Variants in RNF126 observed in about 807,000 individuals in gnomAD.
RNF126 encodes ring finger protein 126.
RNF126 carries 20 observed loss-of-function variants against 41.9 expected under a neutral mutation model. That is an observed-to-expected ratio of 0.48 (90% CI 0.34 to 0.69). The LOEUF (loss-of-function observed/expected upper bound fraction) is 0.69. Among genes scored for constraint, RNF126 ranks in the 30% least tolerant of loss-of-function variants. The pLI is 0.01. For synonymous variants in RNF126, 239 were observed against 202.9 expected (o/e 1.18, Z -1.51); for missense variants, 433 against 460.6 (o/e 0.94, Z 0.55).
At chr19:651,415 A>G (rs2030280102) in intron 4 of RNF126, 196 bp downstream of exon 4, 1 of 479,480 alleles carries the variant, frequency 2.1e-6, no homozygotes, top group Non-Finnish European at 3.4e-6. Context: ...CAACCCACAC[A>G]CCCTGAACCG....
Position 652,864 on chromosome 19 carries a change from G to A in RNF126, c.96C>T (p.Cys32=), listed in dbSNP as rs368203345. The change falls in exon 2 of 9, where the codon TGC becomes TGT. Residue 32 remains cysteine (C), a synonymous_variant. Transcript: ENST00000292363. Reference sequence around the variant, plus strand: ...GAAGCTCCTCGATAAAACCAGACTCGCATCTTGGACAGATATAATCCTGCA... The same window carrying A: ...GAAGCTCCTCGATAAAACCAGACTCACATCTTGGACAGATATAATCCTGCA... ...PRLPDYICPR[C]ESGFIEELPE... 4.2e-4 allele frequency: 670 copies of A among 1,612,956 alleles called. 2 individuals carry two copies. The highest frequency in any genetic ancestry group is 1.1e-3 in the South Asian group (103 of 90,944).
chr19:648,387 C>T lies in RNF126; in HGVS notation c.771G>A (p.Val257=). 6.4e-7 allele frequency: 1 copy of T among 1,552,990 alleles called. No homozygotes were observed. The highest frequency in any genetic ancestry group is 8.7e-7 in the Non-Finnish European group (1 of 1,154,374). Residue 257 remains valine, a synonymous_variant, in exon 8 of 9, where the codon GTG becomes GTA. Coordinates refer to ENST00000292363, the MANE Select transcript of RNF126 (RefSeq NM_194460.3). ...GGGCACTCACCTGCTCCAGCCAGGG[C>T]ACGATGCAGCCGTCGTGGAACAGGT... ...CNHLFHDGCI[V]PWLEQHDSCP... is the part of the protein sequence containing the mutation.
intron 2 of RNF126, chr19:652,522 T>C: frequency 5.0e-6 from 3 of 601,798 alleles, no homozygotes; most frequent in Non-Finnish European, 5.8e-6. Context: ...CTCCTAAGCG[T>C]GAGAATGTGG....
Position 648,108 on chromosome 19 carries a change from T to C in RNF126, c.*20A>G. 6.4e-7 allele frequency: 1 copy of C among 1,550,406 alleles called. No homozygotes were observed. Among genetic ancestry groups the C allele is most frequent in the Non-Finnish European group, 8.7e-7 (1 of 1,144,214 alleles). ...GGTGGGTGGGAAAGGCCCCGTGCTT[T>C]CCCGACGGCCGACGTGGGCTCACGA... On this transcript the variant is annotated 3_prime_UTR_variant, in exon 9 of 9. Transcript: ENST00000292363.
chr19:662,963 G>T (rs547134074), intron 1 of RNF126, 84 bp downstream of exon 1: 4 of 566,156 alleles, frequency 7.1e-6, no homozygotes, highest in Non-Finnish European at 1.0e-5. Flanking sequence ...AGAGGCGGGC[G>T]CAAGCGACCC....
intron 1 of RNF126, among the ~76,000 whole-genome samples, chr19:660,679 G>A (rs189159238): frequency 1.6e-4 from 24 of 152,276 alleles, no homozygotes; most frequent in South Asian, 1.2e-3. Context: ...ACCCAGGCTG[G>A]AGTGCACTGG....
chr19:648,105 CT>C lies in RNF126; in HGVS notation c.*22del. The C allele has an allele frequency of 6.5e-7, 1 of 1,547,168 alleles. No homozygotes were observed. The highest frequency in any genetic ancestry group is 8.7e-7 in the Non-Finnish European group (1 of 1,143,170). ...GAGGGTGGGTGGGAAAGGCCCCGTG[CT>C]TTCCCGACGGCCGACGTGGGCTCAC... On this transcript the variant is annotated 3_prime_UTR_variant, in exon 9 of 9. Coordinates refer to ENST00000292363, the MANE Select transcript of RNF126 (RefSeq NM_194460.3).
chr19:648,362 G>GCCCCCCCCCCCCCCCCC lies in RNF126; in HGVS notation c.786+9_786+10insGGGGGGGGGGGGGGGGG. 1.5e-6 allele frequency: 1 copy of GCCCCCCCCCCCCCCCCC among 680,492 alleles called. No homozygotes were observed. The highest frequency in any genetic ancestry group is 2.3e-6 in the Non-Finnish European group (1 of 426,836). The allele number at this position is 680,492 out of a possible 1,614,324, so 42.2% of individuals were successfully genotyped here. On this transcript the variant is annotated intron_variant, in intron 8 of 8. Coordinates refer to ENST00000292363, the MANE Select transcript of RNF126 (RefSeq NM_194460.3). The stretch of plus-strand genomic sequence containing the variant: ...GTCGGGGTGGGGGGGCGGGTGGGCG[G>GCCCCCCCCCCCCCCCCC]GGCACTCACCTGCTCCAGCCAGGGC...
chr19:652,551 C>G, intron 2 of RNF126: 2 of 602,860 alleles, frequency 3.3e-6, no homozygotes, highest in East Asian at 5.6e-5. Flanking sequence ...CCCGTGGCCC[C>G]TTCCCCGGAG....
intron 1 of RNF126, among the ~76,000 whole-genome samples, chr19:654,835 C>T (rs2030491717): frequency 1.3e-5 from 2 of 151,562 alleles, no homozygotes; most frequent in African/African-American, 4.8e-5. Flanking sequence ...GGCGTGGTGG[C>T]ACGTACCTGT....
intron 1 of RNF126, 65 bp from the exon 2 acceptor site, chr19:652,949 G>C (rs1321918518): frequency 8.9e-6 from 13 of 1,453,440 alleles, no homozygotes; most frequent in East Asian, 2.3e-5. Flanking sequence ...CCCCCCAAGT[G>C]TGAGGACAGA....
chr19:657,588 T>A (rs4919820), intron 1 of RNF126, among the ~76,000 whole-genome samples: 1 of 152,086 alleles, frequency 6.6e-6, no homozygotes, highest in Non-Finnish European at 1.5e-5. Flanking sequence ...ACCCTAGGGG[T>A]TTCAAAGGTC....
At chr19:649,582 T>G in intron 6 of RNF126, 97 bp downstream of exon 6, 2 of 987,586 alleles carry the variant, frequency 2.0e-6, no homozygotes, top group Non-Finnish European at 3.1e-6. Flanking sequence ...CCTTTGACCT[T>G]TGTGGGGCTT....
chr19:654,285 G>A lies in RNF126; in HGVS notation c.76-1401C>T, dbSNP rs560992271. ...CTACAATATAGAAAAAGTGCGGCCC[G>A]GCTCCTGGTGAGGCCGGGAGGCACC... On this transcript the variant is annotated intron_variant, in intron 1 of 8. Transcript: ENST00000292363. Among the ~76,000 whole-genome samples, 149 of 152,334 alleles carry A rather than the reference G, an allele frequency of 9.8e-4. 1 individual carries two copies. Among genetic ancestry groups the A allele is most frequent in the African/African-American group, 3.1e-3 (130 of 41,578 alleles).
In RNF126 at chr19:662,635, CCCGCG is replaced by C. The variant is rs759731550; in HGVS notation, c.75+407_75+411del. Among the ~76,000 whole-genome samples, 19 of 152,282 alleles carry C rather than the reference CCCGCG, an allele frequency of 1.2e-4. No individual in the cohort carries two copies. The East Asian group carries it at 1.4e-3, about 11-fold the overall frequency. On this transcript the variant is annotated intron_variant, in intron 1 of 8. Coordinates refer to ENST00000292363, the MANE Select transcript of RNF126 (RefSeq NM_194460.3). ...GAGCCCCGCCAGGCCCAGCCCCTGCCCCGCGCCGCGCCACCGGGCAATACCCTCTC... is the reference window on the plus strand; with the variant it reads ...GAGCCCCGCCAGGCCCAGCCCCTGCCCCGCGCCACCGGGCAATACCCTCTC...
At chr19:660,785 C>T (rs1219691326) in intron 1 of RNF126, among the ~76,000 whole-genome samples, 1 of 152,192 alleles carries the variant, frequency 6.6e-6, no homozygotes, top group Non-Finnish European at 1.5e-5. Context: ...AGGAGTGCAA[C>T]AACACACCCC....
intron 1 of RNF126, among the ~76,000 whole-genome samples, chr19:662,544 C>T (rs1267775760): frequency 6.6e-6 from 1 of 152,128 alleles, no homozygotes; most frequent in African/African-American, 2.4e-5. Flanking sequence ...GGCGAGCCTG[C>T]AGCGAGGCGC....
intron 1 of RNF126, among the ~76,000 whole-genome samples, chr19:653,940 A>G (rs367870751): frequency 3.3e-4 from 50 of 152,250 alleles, no homozygotes; most frequent in African/African-American, 1.1e-3. Flanking sequence ...GAGTGCTGTG[A>G]GGGGAGCCAA....
At chr19:657,878 G>A (rs1335408806) in intron 1 of RNF126, among the ~76,000 whole-genome samples, 3 of 152,074 alleles carry the variant, frequency 2.0e-5, no homozygotes, top group African/African-American at 7.2e-5. Flanking sequence ...TGGACCTGGG[G>A]GTCTCCAGCC....
Sources: allele counts gnomAD v4.1 joint callset (sites outside exome capture counted in the v4.1 genomes callset), GRCh38; gene constraint gnomAD v4.1.1; transcripts MANE v1.5; gene names NCBI Gene and HGNC (gene_info 2026-07-23, HGNC 2026-07-21).